Variants in TACC2 observed in about 807,000 individuals in gnomAD.
The protein encoded by TACC2 is transforming acidic coiled-coil containing protein 2.
A neutral mutation model predicts 227.3 loss-of-function variants in TACC2; 137 were observed. The ratio of observed to expected loss-of-function variants is 0.60; its 90% confidence interval spans 0.52 to 0.69. TACC2 has a LOEUF of 0.69. Among genes scored for constraint, TACC2 ranks in the 30% least tolerant of loss-of-function variants. The pLI is 0.00. For missense variants in TACC2, 3,470 were observed against 3,694.4 expected, an observed-to-expected ratio of 0.94 and a Z score of 1.57; for synonymous variants, 1,523 against 1,487.5, an observed-to-expected ratio of 1.02 and a Z score of -0.55.
intron 3 of TACC2, among the ~76,000 whole-genome samples, chr10:122,076,166 C>T (rs963075388): frequency 1.3e-5 from 2 of 152,132 alleles, no homozygotes; most frequent in Non-Finnish European, 2.9e-5. Context: ...TGAGGGCATT[C>T]TTGCTGGTGG....
intron 6 of TACC2, among the ~76,000 whole-genome samples, chr10:122,138,394 C>T (rs1322253267): frequency 6.6e-6 from 1 of 152,126 alleles, no homozygotes; most frequent in African/African-American, 2.4e-5. Flanking sequence ...TCTGTAATCC[C>T]AGCTACTTGG....
intron 3 of TACC2, among the ~76,000 whole-genome samples, chr10:122,059,376 C>T (rs1211359563): frequency 6.6e-6 from 1 of 151,930 alleles, no homozygotes; most frequent in Non-Finnish European, 1.5e-5. Flanking sequence ...GAGTCTGAGC[C>T]AGTAGATTTG....
chr10:122,000,378 CAA>C (rs200908665), intron 1 of TACC2, among the ~76,000 whole-genome samples: 1,683 of 151,414 alleles, frequency 0.011, 37 homozygotes, highest in African/African-American at 0.039. Context: ...GGCTCTGTCT[CAA>C]AAAAAAGAGA....
intron 7 of TACC2, among the ~76,000 whole-genome samples, chr10:122,187,802 C>T (rs980734301): frequency 6.6e-6 from 1 of 152,060 alleles, no homozygotes; most frequent in Non-Finnish European, 1.5e-5. Context: ...CTTATTTCCC[C>T]AAATTTCTAA....
intron 6 of TACC2, among the ~76,000 whole-genome samples, chr10:122,134,113 C>T (rs1230958010): frequency 6.6e-6 from 1 of 151,770 alleles, no homozygotes; most frequent in Non-Finnish European, 1.5e-5. Flanking sequence ...TCCAGGGCAG[C>T]CATGCAATGA....
intron 6 of TACC2, among the ~76,000 whole-genome samples, chr10:122,135,672 C>T (rs2089470598): frequency 6.6e-6 from 1 of 152,228 alleles, no homozygotes; most frequent in Non-Finnish European, 1.5e-5. Context: ...TGGCAGATTC[C>T]ATATTTGTGA....
intron 22 of TACC2, among the ~76,000 whole-genome samples, chr10:122,251,700 A>C (rs2096258184): frequency 6.6e-6 from 1 of 152,224 alleles, no homozygotes; most frequent in Non-Finnish European, 1.5e-5. Context: ...CAACACAGCA[A>C]GACCCCGTCT....
intron 1 of TACC2, among the ~76,000 whole-genome samples, chr10:122,004,604 C>G (rs1954835079): frequency 6.6e-6 from 1 of 152,146 alleles, no homozygotes; most frequent in Non-Finnish European, 1.5e-5. Flanking sequence ...GAACTGGACT[C>G]AGCACAGGAG....
chr10:122,015,145 T>A (rs1432688878), intron 1 of TACC2, among the ~76,000 whole-genome samples: 2 of 151,520 alleles, frequency 1.3e-5, no homozygotes, highest in African/African-American at 4.8e-5. Context: ...CTCATAGCTT[T>A]GCCCTAAGTA....
At chr10:122,234,408 CT>C (rs948091392) in intron 16 of TACC2, among the ~76,000 whole-genome samples, 13 of 152,310 alleles carry the variant, frequency 8.5e-5, no homozygotes, top group South Asian at 4.1e-4. Flanking sequence ...ATTCTAGTGG[CT>C]TTTTTTGGCC....
At chr10:122,224,298 G>C (rs1457626610) in intron 11 of TACC2, among the ~76,000 whole-genome samples, 1 of 152,132 alleles carries the variant, frequency 6.6e-6, no homozygotes. Flanking sequence ...CCCAGAGAGG[G>C]ACAAGTAAGG....
intron 7 of TACC2, among the ~76,000 whole-genome samples, chr10:122,155,010 C>G (rs1028086123): frequency 3.3e-5 from 5 of 152,204 alleles, no homozygotes; most frequent in Admixed American, 1.3e-4. Context: ...TCGACTGCTG[C>G]GGGCAGGCGT....
intron 1 of TACC2, among the ~76,000 whole-genome samples, chr10:121,996,626 T>A (rs1339527707): frequency 6.6e-6 from 1 of 152,158 alleles, no homozygotes; most frequent in Non-Finnish European, 1.5e-5. Flanking sequence ...TATTAAGTGA[T>A]GCTAAGCAGG....
At chr10:122,140,021 C>T (rs1020612337) in intron 6 of TACC2, among the ~76,000 whole-genome samples, 15 of 152,356 alleles carry the variant, frequency 9.8e-5, no homozygotes, top group Non-Finnish European at 1.8e-4. Context: ...CAGCTGCTGA[C>T]GGTGTCTCAC....
At chr10:122,199,643 C>T (rs897817932) in intron 8 of TACC2, among the ~76,000 whole-genome samples, 4 of 152,218 alleles carry the variant, frequency 2.6e-5, no homozygotes, top group African/African-American at 9.6e-5. Context: ...TCTCCCTCTT[C>T]ACCCACACAA....
At chr10:122,031,102 C>G (rs1958895018) in intron 2 of TACC2, among the ~76,000 whole-genome samples, 1 of 152,112 alleles carries the variant, frequency 6.6e-6, no homozygotes, top group Admixed American at 6.6e-5. Flanking sequence ...TTCCAAATTT[C>G]CAGCTAATTA....
At chr10:122,136,391 G>A (rs1380676740) in intron 6 of TACC2, among the ~76,000 whole-genome samples, 2 of 152,124 alleles carry the variant, frequency 1.3e-5, no homozygotes, top group Non-Finnish European at 2.9e-5. Context: ...AGAGGCAGAG[G>A]GTGGGATGCG....
intron 18 of TACC2, among the ~76,000 whole-genome samples, chr10:122,238,678 T>C (rs1434926057): frequency 2.0e-5 from 3 of 152,124 alleles, no homozygotes; most frequent in Admixed American, 6.5e-5. Context: ...CTCAAACTCC[T>C]GACCTCAGAT....
chr10:122,089,442 T>G (rs1166636044), intron 5 of TACC2, among the ~76,000 whole-genome samples: 1 of 152,218 alleles, frequency 6.6e-6, no homozygotes, highest in African/African-American at 2.4e-5. Context: ...AGGGTAAATG[T>G]AACCACGAAC....
Sources: allele counts gnomAD v4.1 joint callset (sites outside exome capture counted in the v4.1 genomes callset), GRCh38; gene constraint gnomAD v4.1.1; transcripts MANE v1.5; gene names NCBI Gene and HGNC (gene_info 2026-07-23, HGNC 2026-07-21).